Variants in CNBD1 observed in about 807,000 individuals in gnomAD.
The protein encoded by CNBD1 is cyclic nucleotide binding domain containing 1, also known as cyclic nucleotide-binding domain-containing protein 1.
A neutral mutation model predicts 54.4 loss-of-function variants in CNBD1; 71 were observed. The ratio of observed to expected loss-of-function variants is 1.30; its 90% CI spans 1.08 to 1.59. The LOEUF (loss-of-function observed/expected upper bound fraction) is 1.59. Ranked by LOEUF, CNBD1 falls within the 40% of genes most tolerant of loss-of-function variation. The pLI is 0.00. For missense variants in CNBD1, 659 were observed against 518.0 expected, an observed-to-expected ratio of 1.27 and a Z score of -2.64; for synonymous variants, 182 against 170.7, an observed-to-expected ratio of 1.07 and a Z score of -0.51.
At chr8:87,270,060 A>C (rs1808331843) in intron 6 of CNBD1, among the ~76,000 whole-genome samples, 1 of 152,062 alleles carries the variant, frequency 6.6e-6, no homozygotes, top group South Asian at 2.1e-4. Context: ...TTAATTCACC[A>C]CAATCAACTA....
intron 4 of CNBD1, among the ~76,000 whole-genome samples, chr8:87,110,607 T>A (rs1370769266): frequency 6.6e-6 from 1 of 151,952 alleles, no homozygotes; most frequent in African/African-American, 2.4e-5. Context: ...AAATATCCCC[T>A]GCCCTCCGGA....
At chr8:87,329,858 T>C (rs2130908958) in intron 8 of CNBD1, among the ~76,000 whole-genome samples, 1 of 152,088 alleles carries the variant, frequency 6.6e-6, no homozygotes, top group East Asian at 1.9e-4. Flanking sequence ...GTTTTATTTC[T>C]TACTTCCAAA....
At chr8:86,913,729 G>A (rs1046905934) in intron 3 of CNBD1, among the ~76,000 whole-genome samples, 1 of 152,146 alleles carries the variant, frequency 6.6e-6, no homozygotes, top group Non-Finnish European at 1.5e-5. Context: ...GTCCCGCTGT[G>A]CACGCATTGT....
intron 4 of CNBD1, among the ~76,000 whole-genome samples, chr8:87,077,521 A>C (rs1810898859): frequency 6.9e-6 from 1 of 145,334 alleles, no homozygotes. Context: ...TTAACTCGTC[A>C]TTTACATTAG....
At chr8:86,917,465 A>G (rs1374561442) in intron 3 of CNBD1, among the ~76,000 whole-genome samples, 1 of 152,210 alleles carries the variant, frequency 6.6e-6, no homozygotes, top group Non-Finnish European at 1.5e-5. Flanking sequence ...ACCTCGAGTT[A>G]GTGCCATTAG....
chr8:87,044,175 C>T (rs955140106), intron 4 of CNBD1, among the ~76,000 whole-genome samples: 1 of 151,034 alleles, frequency 6.6e-6, no homozygotes, highest in African/African-American at 2.4e-5. Context: ...GAAAATTGAG[C>T]TTCACAGTCT....
chr8:87,074,542 T>C (rs2130656394), intron 4 of CNBD1, among the ~76,000 whole-genome samples: 1 of 152,272 alleles, frequency 6.6e-6, no homozygotes, highest in Non-Finnish European at 1.5e-5. Context: ...CAGCAATATG[T>C]ATCGAATCCA....
At chr8:87,236,791 A>G (rs1807591268) in intron 5 of CNBD1, 128 bp from the exon 6 acceptor site, 1 of 508,346 alleles carries the variant, frequency 2.0e-6, no homozygotes, top group South Asian at 4.5e-5. Flanking sequence ...ATTACATTAA[A>G]TTCACTGTTA....
chr8:87,082,221 A>T (rs942216078), intron 4 of CNBD1, among the ~76,000 whole-genome samples: 1 of 151,986 alleles, frequency 6.6e-6, no homozygotes, highest in African/African-American at 2.4e-5. Flanking sequence ...GAGTCACATG[A>T]TCTCCCCACC....
intron 4 of CNBD1, among the ~76,000 whole-genome samples, chr8:87,051,731 G>A (rs901908078): frequency 6.6e-6 from 1 of 152,198 alleles, no homozygotes; most frequent in Non-Finnish European, 1.5e-5. Flanking sequence ...TTCCACCCTG[G>A]GTGGACCAGG....
chr8:87,388,741 A>C (rs1358662250), intron 2 of CNBD1, among the ~76,000 whole-genome samples: 1 of 152,180 alleles, frequency 6.6e-6, no homozygotes, highest in South Asian at 2.1e-4. Context: ...ATCCTCCCTA[A>C]CTCATTTTAT....
At chr8:87,113,933 G>A (rs6990867) in intron 4 of CNBD1, among the ~76,000 whole-genome samples, 84,072 of 151,382 alleles carry the variant, frequency 0.56, 24,812 homozygotes, top group African/African-American at 0.77. Flanking sequence ...AAAAAGAAAA[G>A]AAAGAAATAG....
chr8:87,064,802 T>C (rs1048055267), intron 4 of CNBD1, among the ~76,000 whole-genome samples: 2 of 151,972 alleles, frequency 1.3e-5, no homozygotes, highest in Non-Finnish European at 2.9e-5. Flanking sequence ...TTGAATTTAA[T>C]TGGCTTTTAA....
At chr8:87,196,131 T>C (rs1334592250) in intron 4 of CNBD1, among the ~76,000 whole-genome samples, 1 of 152,132 alleles carries the variant, frequency 6.6e-6, no homozygotes, top group Non-Finnish European at 1.5e-5. Context: ...AAATTTGGGG[T>C]GGAGTAACTC....
chr8:87,089,479 A>G (rs1166301791), intron 4 of CNBD1, among the ~76,000 whole-genome samples: 1 of 152,120 alleles, frequency 6.6e-6, no homozygotes, highest in Non-Finnish European at 1.5e-5. Flanking sequence ...CATTATAGAA[A>G]TTGACTTGGC....
At chr8:87,235,237 C>T (rs1807561547) in intron 5 of CNBD1, among the ~76,000 whole-genome samples, 1 of 152,132 alleles carries the variant, frequency 6.6e-6, no homozygotes, top group Admixed American at 6.6e-5. Context: ...GTTTTGCTTA[C>T]TTAGTGTGTT....
intron 4 of CNBD1, among the ~76,000 whole-genome samples, chr8:87,088,258 CTAA>C (rs1342074558): frequency 6.6e-6 from 1 of 152,190 alleles, no homozygotes; most frequent in African/African-American, 2.4e-5. Context: ...TAATGCACTA[CTAA>C]TGATAGGTTG....
At chr8:86,984,465 C>T (rs1169399134) in intron 4 of CNBD1, among the ~76,000 whole-genome samples, 1 of 152,116 alleles carries the variant, frequency 6.6e-6, no homozygotes, top group Non-Finnish European at 1.5e-5. Context: ...GGTAGATCCA[C>T]CAACATCTTG....
At chr8:87,372,447 A>G (rs2130949861) in intron 10 of CNBD1, among the ~76,000 whole-genome samples, 1 of 151,892 alleles carries the variant, frequency 6.6e-6, no homozygotes, top group South Asian at 2.1e-4. Context: ...AAAAGTAAAT[A>G]CTTTATAATG....
Sources: allele counts gnomAD v4.1 joint callset (sites outside exome capture counted in the v4.1 genomes callset), GRCh38; gene constraint gnomAD v4.1.1; transcripts MANE v1.5; gene names NCBI Gene and HGNC (gene_info 2026-07-23, HGNC 2026-07-21).